NOX4: variants seen among roughly 807,000 people sequenced by gnomAD.
NOX4 encodes the protein kidney oxidase-1.
Under a neutral mutation model 87.6 loss-of-function variants are expected in NOX4, and 69 were observed. The ratio of observed to expected loss-of-function variants is 0.79; its 90% confidence interval spans 0.65 to 0.96. The LOEUF is 0.96. NOX4 is among the 40% of genes least tolerant of loss of function. The pLI is 0.00. For missense variants in NOX4, 680 were observed against 681.5 expected, an observed-to-expected ratio of 1.00 and a Z score of 0.02; for synonymous variants, 275 against 238.2, an observed-to-expected ratio of 1.15 and a Z score of -1.42.
chr11:89,487,046 G>C (rs908728236), intron 2 of NOX4, among the ~76,000 whole-genome samples: 1 of 151,948 alleles, frequency 6.6e-6, no homozygotes, highest in African/African-American at 2.4e-5. Context: ...TTTCTGTTGG[G>C]CAGCACTGGT....
chr11:89,581,624 G>A, the NOX4 span, among the ~76,000 whole-genome samples: 2 of 152,140 alleles, frequency 1.3e-5, no homozygotes, highest in East Asian at 1.9e-4. Context: ...AAGGGACAAG[G>A]GAAGGAATTA....
rs117902712 is a variant in NOX4 at position 89,381,657 on chromosome 11, G to A, written c.1075-8165C>T. Among the ~76,000 whole-genome samples the A allele has an allele frequency of 8.4e-4, 128 of 151,844 alleles. 1 individual carries two copies. The East Asian group carries it at 0.022, about 26-fold the overall frequency. ...AAAGCCTGTTTGGTGGTCTTTTCACGCTGACATGAGTGAAATTTGGTGCTG... is the reference window on the plus strand; with the variant it reads ...AAAGCCTGTTTGGTGGTCTTTTCACACTGACATGAGTGAAATTTGGTGCTG... On this transcript the variant is annotated intron_variant, in intron 11 of 17. Coordinates refer to ENST00000263317, the MANE Select transcript of NOX4 (RefSeq NM_016931.5).
chr11:89,376,566 T>C (rs1939855231), intron 11 of NOX4, among the ~76,000 whole-genome samples: 1 of 152,120 alleles, frequency 6.6e-6, no homozygotes, highest in Non-Finnish European at 1.5e-5. Flanking sequence ...ATAATATGTG[T>C]AGTTAAGCAC....
chr11:89,495,724 T>C (rs1482430153), upstream of NOX4, among the ~76,000 whole-genome samples: 1 of 152,120 alleles, frequency 6.6e-6, no homozygotes, highest in Non-Finnish European at 1.5e-5. Flanking sequence ...AAAGAATAAA[T>C]GTTTGGGACT....
chr11:89,543,741 A>G, the NOX4 span, among the ~76,000 whole-genome samples: 15 of 152,282 alleles, frequency 9.9e-5, no homozygotes, highest in African/African-American at 2.9e-4. Context: ...CAGATAGTGT[A>G]AGTCAACTAA....
At chr11:89,582,210 G>A in the NOX4 span, among the ~76,000 whole-genome samples, 4 of 151,958 alleles carry the variant, frequency 2.6e-5, no homozygotes, top group African/African-American at 7.3e-5. Flanking sequence ...TTAAGGCTGA[G>A]TAATATTCCA....
intron 14 of NOX4, among the ~76,000 whole-genome samples, chr11:89,341,453 G>A (rs1189915437): frequency 6.6e-6 from 1 of 152,048 alleles, no homozygotes; most frequent in African/African-American, 2.4e-5. Flanking sequence ...ACTTTCTTTA[G>A]TCTGTTGTAA....
At chr11:89,447,370 T>A (rs1364810239) in intron 4 of NOX4, among the ~76,000 whole-genome samples, 2 of 152,118 alleles carry the variant, frequency 1.3e-5, no homozygotes. Flanking sequence ...AATTTGTAGG[T>A]AACAGCTATA....
At chr11:89,576,871 C>A in the NOX4 span, 1 of 152,004 alleles carries the variant, frequency 6.6e-6, no homozygotes, top group Non-Finnish European at 1.5e-5. Context: ...CACAGTAACA[C>A]CAGTAATTTG....
intron 12 of NOX4, among the ~76,000 whole-genome samples, chr11:89,369,731 GATTT>G (rs1056320675): frequency 1.3e-4 from 14 of 110,522 alleles, no homozygotes; most frequent in African/African-American, 4.6e-4. Context: ...ATCCAAATAT[GATTT>G]ATTTATTTAT....
At chr11:89,327,870 C>T (rs989243991) in intron 17 of NOX4, among the ~76,000 whole-genome samples, 8 of 152,030 alleles carry the variant, frequency 5.3e-5, no homozygotes, top group African/African-American at 1.9e-4. Flanking sequence ...TAGATCTACC[C>T]TTTTACATTA....
the NOX4 span, among the ~76,000 whole-genome samples, chr11:89,540,243 A>T: frequency 6.6e-6 from 1 of 152,134 alleles, no homozygotes; most frequent in African/African-American, 2.4e-5. Flanking sequence ...AGTACATGTT[A>T]TCAGTTCTTT....
At chr11:89,387,276 C>T (rs1419851194) in intron 11 of NOX4, among the ~76,000 whole-genome samples, 1 of 152,100 alleles carries the variant, frequency 6.6e-6, no homozygotes, top group Non-Finnish European at 1.5e-5. Flanking sequence ...GTGAAAATGG[C>T]CGGTTCCTGC....
At chr11:89,399,165 T>C (rs1941673463) in intron 11 of NOX4, among the ~76,000 whole-genome samples, 1 of 151,614 alleles carries the variant, frequency 6.6e-6, no homozygotes. Flanking sequence ...GCTAATCATA[T>C]TTGATGGTGT....
At chr11:89,499,992 A>C (rs1313412117), upstream of NOX4, among the ~76,000 whole-genome samples, 1 of 152,148 alleles carries the variant, frequency 6.6e-6, no homozygotes, top group Admixed American at 6.6e-5. Context: ...ATAGAATGTA[A>C]CATCTGTACT....
chr11:89,452,587 A>T (rs1039562195), intron 2 of NOX4, among the ~76,000 whole-genome samples: 2 of 152,168 alleles, frequency 1.3e-5, no homozygotes, highest in African/African-American at 2.4e-5. Context: ...TAATAATTGT[A>T]TATATGTATG....
intron 6 of NOX4, among the ~76,000 whole-genome samples, chr11:89,438,633 T>G (rs1944233940): frequency 1.2e-5 from 1 of 83,754 alleles, no homozygotes; most frequent in African/African-American, 4.8e-5. Context: ...TATTATATAC[T>G]ATATATAATA....
chr11:89,415,733 GAAGTAA>G (rs752733372), intron 8 of NOX4, among the ~76,000 whole-genome samples: 11 of 152,094 alleles, frequency 7.2e-5, no homozygotes, highest in Non-Finnish European at 1.3e-4. Flanking sequence ...TTTTGTGATA[GAAGTAA>G]TGGGCACCAA....
chr11:89,557,230 A>G, the NOX4 span: 2 of 152,188 alleles, frequency 1.3e-5, no homozygotes, highest in Admixed American at 1.3e-4. Context: ...GCAATACAAA[A>G]GCCTTGCTTA....
Sources: allele counts gnomAD v4.1 joint callset (sites outside exome capture counted in the v4.1 genomes callset), GRCh38; gene constraint gnomAD v4.1.1; transcripts MANE v1.5; gene names NCBI Gene and HGNC (gene_info 2026-07-23, HGNC 2026-07-21).